Variants in RAB38 observed in about 807,000 individuals in gnomAD.
The protein encoded by RAB38 is RAB38, member RAS oncogene family, also known as ras-related protein Rab-38.
RAB38 carries 15 observed loss-of-function variants against 18.4 expected under a neutral mutation model. The observed-to-expected ratio is 0.82, with a 90% CI of 0.55 to 1.26. The LOEUF is 1.26. Among genes scored for constraint, RAB38 ranks in the 50% most tolerant of loss-of-function variants. The pLI, the probability that RAB38 is intolerant of heterozygous loss-of-function variation, is 0.00. For missense variants in RAB38, 294 were observed against 267.4 expected (o/e 1.10, Z -0.69); for synonymous variants, 101 against 104.4 (o/e 0.97, Z 0.20).
At chr11:88,051,176 G>A in the RAB38 span, among the ~76,000 whole-genome samples, 90,678 of 151,688 alleles carry the variant, frequency 0.6, 28,131 homozygotes, top group Non-Finnish European at 0.68. Context: ...TTTCACCCTG[G>A]TCTTGGCCCT....
chr11:88,100,880 T>C, the RAB38 span, among the ~76,000 whole-genome samples: 1 of 151,974 alleles, frequency 6.6e-6, no homozygotes, highest in Non-Finnish European at 1.5e-5. Context: ...ATTTACTTAC[T>C]TTTTACTTTA....
the RAB38 span, among the ~76,000 whole-genome samples, chr11:87,904,405 TGC>T: frequency 6.6e-6 from 1 of 151,846 alleles, no homozygotes; most frequent in African/African-American, 2.4e-5. Flanking sequence ...TCCATGTTGC[TGC>T]AAAGGACATG....
the RAB38 span, among the ~76,000 whole-genome samples, chr11:87,805,623 GCA>G: frequency 0.046 from 5,260 of 114,086 alleles, 280 homozygotes; most frequent in African/African-American, 0.15. Flanking sequence ...ACACACACAC[GCA>G]CACACACACA....
chr11:88,102,090 A>G, the RAB38 span, among the ~76,000 whole-genome samples: 1 of 151,984 alleles, frequency 6.6e-6, no homozygotes, highest in Non-Finnish European at 1.5e-5. Flanking sequence ...TGATATTGCT[A>G]TTGTTATCAT....
At chr11:88,130,863 G>A (rs767617584) in intron 2 of RAB38, among the ~76,000 whole-genome samples, 6 of 152,128 alleles carry the variant, frequency 3.9e-5, no homozygotes, top group African/African-American at 7.2e-5. Flanking sequence ...AGGCAGAAGC[G>A]AAACTGACAT....
chr11:87,909,388 A>G, the RAB38 span, among the ~76,000 whole-genome samples: 1 of 152,038 alleles, frequency 6.6e-6, no homozygotes, highest in Admixed American at 6.6e-5. Flanking sequence ...TCTGTGACGC[A>G]AATTCATTGC....
At chr11:88,077,013 G>A in the RAB38 span, among the ~76,000 whole-genome samples, 1 of 107,340 alleles carries the variant, frequency 9.3e-6, no homozygotes, top group African/African-American at 3.0e-5. Flanking sequence ...GAAAAGAAAA[G>A]AAAAGAAAAG....
At chr11:87,906,436 A>T in the RAB38 span, among the ~76,000 whole-genome samples, 1 of 151,900 alleles carries the variant, frequency 6.6e-6, no homozygotes, top group Non-Finnish European at 1.5e-5. Flanking sequence ...ATGGAGATAG[A>T]AATACTCTTT....
At chr11:88,041,758 T>C in the RAB38 span, among the ~76,000 whole-genome samples, 1 of 152,070 alleles carries the variant, frequency 6.6e-6, no homozygotes, top group Admixed American at 6.5e-5. Flanking sequence ...AAGGGGAAAA[T>C]ATAAATACAT....
the RAB38 span, among the ~76,000 whole-genome samples, chr11:87,937,123 T>C: frequency 2.0e-5 from 3 of 151,838 alleles, no homozygotes; most frequent in African/African-American, 7.2e-5. Context: ...GTAGATGTTC[T>C]TTCTTAACCA....
chr11:87,937,870 G>GTTTTTTTTTT, the RAB38 span, among the ~76,000 whole-genome samples: 4 of 92,022 alleles, frequency 4.3e-5, no homozygotes, highest in Non-Finnish European at 9.4e-5. Flanking sequence ...TCATTGAAGT[G>GTTTTTTTTTT]TTTTTTTTTT....
the RAB38 span, among the ~76,000 whole-genome samples, chr11:88,016,881 T>G: frequency 2.0e-5 from 3 of 152,022 alleles, no homozygotes; most frequent in African/African-American, 7.2e-5. Context: ...ATCTGGGTAA[T>G]AATGATTCAG....
the RAB38 span, among the ~76,000 whole-genome samples, chr11:87,938,758 C>T: frequency 4.0e-5 from 6 of 151,218 alleles, no homozygotes; most frequent in East Asian, 1.2e-3. Context: ...TCTTCAACTC[C>T]AAGGCAAGTA....
At chr11:87,851,024 C>CT in the RAB38 span, among the ~76,000 whole-genome samples, 1 of 152,222 alleles carries the variant, frequency 6.6e-6, no homozygotes, top group Admixed American at 6.5e-5. Flanking sequence ...AGCTTCAAGC[C>CT]TGGGGGCGGT....
chr11:88,049,628 G>T, the RAB38 span, among the ~76,000 whole-genome samples: 2 of 151,962 alleles, frequency 1.3e-5, no homozygotes, highest in Non-Finnish European at 2.9e-5. Context: ...ACATGGACGC[G>T]CGTGAAATTT....
the RAB38 span, among the ~76,000 whole-genome samples, chr11:87,857,647 C>T: frequency 1.3e-5 from 2 of 152,302 alleles, no homozygotes; most frequent in South Asian, 4.1e-4. Context: ...TGTCTTTTGG[C>T]TGCATAAATG....
downstream of RAB38, among the ~76,000 whole-genome samples, chr11:88,109,310 C>G (rs1942442390): frequency 6.6e-6 from 1 of 152,130 alleles, no homozygotes; most frequent in Admixed American, 6.6e-5. Context: ...GGAAAACTGG[C>G]TAGCCACATG....
intron 2 of RAB38, among the ~76,000 whole-genome samples, chr11:88,139,105 T>C (rs1253355636): frequency 6.6e-6 from 1 of 152,168 alleles, no homozygotes; most frequent in African/African-American, 2.4e-5. Flanking sequence ...ATATTAAGAT[T>C]CGCATGGTCT....
chr11:87,817,869 A>G, the RAB38 span, among the ~76,000 whole-genome samples: 2 of 152,150 alleles, frequency 1.3e-5, no homozygotes, highest in Admixed American at 6.5e-5. Context: ...AAAAAGATGA[A>G]CTATTAATCA....
Sources: gnomAD v4.1 joint callset for allele counts (sites outside exome capture counted in the v4.1 genomes callset) on GRCh38, gnomAD v4.1.1 for gene constraint, MANE v1.5 for transcripts, NCBI Gene and HGNC (gene_info 2026-07-23, HGNC 2026-07-21) for gene names.